Variants in SHPRH observed in about 807,000 individuals in gnomAD.
SHPRH encodes E3 ubiquitin-protein ligase SHPRH.
A neutral mutation model predicts 202.5 loss-of-function variants in SHPRH; 106 were observed. The ratio of observed to expected loss-of-function variants is 0.52; its 90% CI spans 0.45 to 0.62. The LOEUF (loss-of-function observed/expected upper bound fraction) is 0.62, where lower values mean the gene tolerates loss of function less well. Among genes scored for constraint, SHPRH ranks in the 20% least tolerant of loss-of-function variants. The pLI, the probability that SHPRH is intolerant of heterozygous loss-of-function variation, is 0.00. For missense variants in SHPRH, 1,710 were observed against 2,020.0 expected, an observed-to-expected ratio of 0.85 and a Z score of 2.94; for synonymous variants, 729 against 686.0, an observed-to-expected ratio of 1.06 and a Z score of -0.98.
intron 23 of SHPRH, chr6:145,916,984 T>C (rs923470621): frequency 6.6e-5 from 10 of 152,384 alleles, no homozygotes; most frequent in African/African-American, 2.4e-4. Context: ...TTTCACCATG[T>C]TGGCCAGGCT....
chr6:145,861,851 CTG>C (rs1779590805), downstream of SHPRH, among the ~76,000 whole-genome samples: 1 of 152,136 alleles, frequency 6.6e-6, no homozygotes, highest in South Asian at 2.1e-4. Context: ...ATTCTCCTAT[CTG>C]TGATAATATG....
At chr6:145,895,820 G>C (rs928221131) in intron 25 of SHPRH, among the ~76,000 whole-genome samples, 2 of 152,000 alleles carry the variant, frequency 1.3e-5, no homozygotes, top group Non-Finnish European at 2.9e-5. Flanking sequence ...CAATAGGGCT[G>C]AATGATAATT....
intron 14 of SHPRH, among the ~76,000 whole-genome samples, chr6:145,931,349 T>G (rs1785421637): frequency 2.0e-5 from 3 of 151,924 alleles, no homozygotes; most frequent in Non-Finnish European, 1.5e-5. Context: ...TATTATTTAT[T>G]TATTTACTTA....
chr6:145,897,588 A>G (rs1001606655), intron 25 of SHPRH, among the ~76,000 whole-genome samples: 6 of 152,140 alleles, frequency 3.9e-5, no homozygotes, highest in African/African-American at 1.4e-4. Flanking sequence ...TAAGAAAACA[A>G]TTACAGGCCA....
chr6:145,927,999 GC>G (rs527866215), intron 14 of SHPRH, among the ~76,000 whole-genome samples: 121 of 151,892 alleles, frequency 8.0e-4, no homozygotes, highest in Non-Finnish European at 1.4e-3. Context: ...TATCTGTTGG[GC>G]ACATCAGCTT....
intron 2 of SHPRH, among the ~76,000 whole-genome samples, chr6:145,874,925 A>C (rs1175503375): frequency 6.6e-6 from 1 of 152,224 alleles, no homozygotes; most frequent in African/African-American, 2.4e-5. Flanking sequence ...AGTACAAATT[A>C]AACATATCGA....
chr6:145,952,510 T>C (rs924138183), intron 2 of SHPRH, 32 bp from the exon 3 acceptor site: 1 of 1,582,040 alleles, frequency 6.3e-7, no homozygotes, highest in Non-Finnish European at 8.6e-7. Flanking sequence ...AAAAGTAGTT[T>C]CATTTGAAAT....
At chr6:145,926,503 CTTA>C (rs1784893105) in intron 15 of SHPRH, among the ~76,000 whole-genome samples, 1 of 151,882 alleles carries the variant, frequency 6.6e-6, no homozygotes, top group African/African-American at 2.4e-5. Context: ...TTTTGTAACC[CTTA>C]TCCATGCAGA....
At chr6:145,896,650 A>G (rs1011677208) in intron 25 of SHPRH, among the ~76,000 whole-genome samples, 1 of 152,014 alleles carries the variant, frequency 6.6e-6, no homozygotes, top group African/African-American at 2.4e-5. Flanking sequence ...CTAGCAGAAT[A>G]TGTTAGGATA....
intron 2 of SHPRH, among the ~76,000 whole-genome samples, chr6:145,879,068 ATAT>A (rs1381053930): frequency 6.6e-6 from 1 of 152,196 alleles, no homozygotes; most frequent in African/African-American, 2.4e-5. Context: ...TACATGAGAA[ATAT>A]TAGTCATTTC....
downstream of SHPRH, among the ~76,000 whole-genome samples, chr6:145,880,954 C>G (rs978647260): frequency 6.6e-6 from 1 of 152,070 alleles, no homozygotes; most frequent in African/African-American, 2.4e-5. Context: ...ACTTCTCTTC[C>G]AGTGATCTCC....
intron 11 of SHPRH, 104 bp from the exon 12 acceptor site, chr6:145,935,545 A>C (rs2128768811): frequency 9.1e-7 from 1 of 1,096,522 alleles, no homozygotes; most frequent in East Asian, 2.6e-5. Context: ...ACTTTCCATG[A>C]ATTAAAATAC....
intron 2 of SHPRH, among the ~76,000 whole-genome samples, chr6:145,871,756 A>C (rs569669838): frequency 6.6e-6 from 1 of 152,364 alleles, no homozygotes; most frequent in African/African-American, 2.4e-5. Context: ...CTTAGCAAAA[A>C]GAACAAAGGT....
chr6:145,902,046 T>TA (rs1244334769), intron 25 of SHPRH, among the ~76,000 whole-genome samples: 7 of 152,094 alleles, frequency 4.6e-5, no homozygotes, highest in Admixed American at 2.6e-4. Flanking sequence ...GCAAGGCTGT[T>TA]ATCTCTCCTG....
At chr6:145,926,156 A>G in intron 16 of SHPRH, 48 bp downstream of exon 16, 2 of 1,501,514 alleles carry the variant, frequency 1.3e-6, no homozygotes, top group Non-Finnish European at 1.9e-6. Context: ...TGGAGCATAA[A>G]GTTTGAAGAA....
rs1784482662 is a variant in SHPRH, at chr6:145,922,173, AG to A, written c.3782+112del. On this transcript the variant is annotated intron_variant, in intron 20 of 29. Transcript: ENST00000275233. ...AAGGTGTACTAATCAATTTAATTAA[AG>A]AAACAATATAATAAAGGTTACTGTG... 7 of 895,136 alleles carry A rather than the reference AG, an allele frequency of 7.8e-6. 1 individual carries two copies. The highest frequency in any genetic ancestry group is 1.2e-5 in the Non-Finnish European group (7 of 601,280). The allele number at this position is 895,136 out of a possible 1,614,324, so 55.4% of individuals were successfully genotyped here. A position where few individuals can be genotyped will look rare whatever the true frequency, so the allele number is the denominator to read the frequency against.
At chr6:145,941,488 G>C (rs1177202800) in intron 10 of SHPRH, 135 bp downstream of exon 10, 1 of 1,324,414 alleles carries the variant, frequency 7.6e-7, no homozygotes, top group Non-Finnish European at 1.0e-6. Context: ...AGCACAAGTA[G>C]TGTTTAATAA....
Position 145,954,789 on chromosome 6 carries a change from C to T in SHPRH, c.534G>A (p.Glu178=). 9.3e-6 allele frequency: 15 copies of T among 1,613,854 alleles called. No individual in the cohort carries two copies. Among genetic ancestry groups the T allele is most frequent in the Non-Finnish European group, 1.3e-5 (15 of 1,179,872 alleles). Reference sequence around the variant, plus strand: ...CTAACATTTCACCACTGAAGGATGACTCCACCAGAATACCCTTGTCACAAA... The same window carrying T: ...CTAACATTTCACCACTGAAGGATGATTCCACCAGAATACCCTTGTCACAAA... ...MSICDKGILV[E]SSFSGEMLED... Residue 178 remains glutamate (E), a synonymous_variant, in exon 2 of 30, where the codon GAG becomes GAA. Coordinates refer to ENST00000275233, the MANE Select transcript of SHPRH (RefSeq NM_001042683.3).
chr6:145,877,442 CT>C (rs1780352438), intron 2 of SHPRH, among the ~76,000 whole-genome samples: 1 of 152,154 alleles, frequency 6.6e-6, no homozygotes, highest in Non-Finnish European at 1.5e-5. Flanking sequence ...CATCAGATGG[CT>C]TTTATTTGAC....
Sources: allele counts gnomAD v4.1 joint callset (sites outside exome capture counted in the v4.1 genomes callset), GRCh38; gene constraint gnomAD v4.1.1; transcripts MANE v1.5; gene names NCBI Gene and HGNC (gene_info 2026-07-23, HGNC 2026-07-21).